SEMA3A: variants seen among roughly 807,000 people sequenced by gnomAD.
The protein encoded by SEMA3A is semaphorin-3A.
In SEMA3A, 29 loss-of-function variants were observed where a neutral mutation model predicts 97.9. The ratio of observed to expected loss-of-function variants is 0.30; its 90% CI spans 0.22 to 0.40. SEMA3A has a LOEUF of 0.40. SEMA3A is among the 10% of genes least tolerant of loss of function. The pLI is 1.00. For synonymous variants in SEMA3A, 321 were observed against 323.7 expected (o/e 0.99, Z 0.09); for missense variants, 763 against 951.3 (o/e 0.80, Z 2.60).
intron 1 of SEMA3A, among the ~76,000 whole-genome samples, chr7:84,179,642 C>G (rs1199463806): frequency 6.6e-6 from 1 of 152,102 alleles, no homozygotes; most frequent in Non-Finnish European, 1.5e-5. Context: ...GTCTTGAGAA[C>G]AGAGGCTAAT....
intron 1 of SEMA3A, among the ~76,000 whole-genome samples, chr7:84,165,326 A>G (rs1797166563): frequency 6.6e-6 from 1 of 152,204 alleles, no homozygotes; most frequent in Non-Finnish European, 1.5e-5. Context: ...TTTGAAAGAA[A>G]TTTGGACAAC....
chr7:84,256,590 A>G (rs1489473616), intron 3 of SEMA3A, among the ~76,000 whole-genome samples: 1 of 152,084 alleles, frequency 6.6e-6, no homozygotes, highest in Non-Finnish European at 1.5e-5. Flanking sequence ...GGAGCTTACA[A>G]CACACTCCAG....
chr7:84,409,281 A>T (rs1462992869), intron 1 of SEMA3A, among the ~76,000 whole-genome samples: 2 of 151,686 alleles, frequency 1.3e-5, no homozygotes, highest in African/African-American at 4.8e-5. Context: ...GGATGCTTGT[A>T]TCAAAATACC....
chr7:84,218,110 C>T (rs1317837589), intron 3 of SEMA3A, among the ~76,000 whole-genome samples: 2 of 151,874 alleles, frequency 1.3e-5, no homozygotes, highest in Non-Finnish European at 2.9e-5. Context: ...GAGAAAAAAT[C>T]TTAAATGTTA....
chr7:84,401,655 G>C (rs1803907569), intron 1 of SEMA3A, among the ~76,000 whole-genome samples: 1 of 152,060 alleles, frequency 6.6e-6, no homozygotes, highest in African/African-American at 2.4e-5. Context: ...CAGCATAAAA[G>C]CAGACACATA....
At chr7:84,021,903 T>C (rs1422481805) in intron 6 of SEMA3A, among the ~76,000 whole-genome samples, 1 of 152,164 alleles carries the variant, frequency 6.6e-6, no homozygotes, top group African/African-American at 2.4e-5. Context: ...AAGAAATGCT[T>C]ATACATGCTT....
chr7:83,989,962 C>T lies in SEMA3A; in HGVS notation c.1453-4485G>A, dbSNP rs202034567. Among the ~76,000 whole-genome samples the T allele has an allele frequency of 8.4e-4, 127 of 152,012 alleles. No homozygotes were observed. The East Asian group carries it at 0.023, about 27-fold the overall frequency. On this transcript the variant is annotated intron_variant, in intron 12 of 16. Coordinates refer to ENST00000265362, the MANE Select transcript of SEMA3A (RefSeq NM_006080.3). ...GTGTAAAAGTATTCCTATTTCTCCACATCCTCTCCAGCACCTGTTGTTTCC... is the reference window on the plus strand; with the variant it reads ...GTGTAAAAGTATTCCTATTTCTCCATATCCTCTCCAGCACCTGTTGTTTCC...
At chr7:84,171,015 T>A (rs1235676103) in intron 1 of SEMA3A, among the ~76,000 whole-genome samples, 1 of 152,096 alleles carries the variant, frequency 6.6e-6, no homozygotes, top group Non-Finnish European at 1.5e-5. Context: ...GCTCATTGAG[T>A]TCTATCGATT....
rs1790198729 is a variant in SEMA3A, at chr7:83,995,942, CTT to C, written c.1452+6011_1452+6012del. Among the ~76,000 whole-genome samples, 4 of 152,132 alleles carry C rather than the reference CTT, an allele frequency of 2.6e-5. No homozygotes were observed. In the South Asian group the frequency reaches 8.3e-4, roughly 31 times the overall value. On this transcript the variant is annotated intron_variant, in intron 12 of 16. Coordinates refer to ENST00000265362, the MANE Select transcript of SEMA3A (RefSeq NM_006080.3). The stretch of plus-strand genomic sequence containing the variant: ...TTTTCATTTGAACAAAAATTAAACT[CTT>C]TCATTTGTCTGCTCAGCTGTTCATG...
chr7:83,976,832 T>C (rs889395614), intron 15 of SEMA3A, among the ~76,000 whole-genome samples: 49 of 152,146 alleles, frequency 3.2e-4, no homozygotes, highest in Non-Finnish European at 4.6e-4. Flanking sequence ...TGCTACTATA[T>C]ACAAAATGAA....
At chr7:84,021,905 T>C (rs1398527168) in intron 6 of SEMA3A, among the ~76,000 whole-genome samples, 2 of 152,172 alleles carry the variant, frequency 1.3e-5, no homozygotes, top group East Asian at 3.9e-4. Flanking sequence ...GAAATGCTTA[T>C]ACATGCTTCT....
intron 1 of SEMA3A, among the ~76,000 whole-genome samples, chr7:84,427,706 TA>T (rs1804866029): frequency 6.6e-6 from 1 of 151,486 alleles, no homozygotes; most frequent in South Asian, 2.1e-4. Flanking sequence ...ATAGTTTTTT[TA>T]TGTATTACCC....
At chr7:84,288,698 A>C (rs977030928) in intron 3 of SEMA3A, among the ~76,000 whole-genome samples, 14 of 152,162 alleles carry the variant, frequency 9.2e-5, no homozygotes, top group Admixed American at 2.0e-4. Flanking sequence ...ACTCCATCAA[A>C]AAAACAAAAC....
intron 2 of SEMA3A, among the ~76,000 whole-genome samples, chr7:84,134,033 C>A (rs1179462694): frequency 6.6e-6 from 1 of 152,012 alleles, no homozygotes; most frequent in African/African-American, 2.4e-5. Flanking sequence ...TGCACTCCAG[C>A]CTGGGCGACA....
In SEMA3A at chr7:84,466,336, C is replaced by A. The variant is rs1275333636; in HGVS notation, c.-246+26124G>T. Among the ~76,000 whole-genome samples, 8 of 152,088 alleles carry A rather than the reference C, an allele frequency of 5.3e-5. No homozygotes were observed. The South Asian group carries it at 1.7e-3, about 32-fold the overall frequency. Reference sequence around the variant, plus strand: ...TACAGGCGCCTGCCACCACACCCGGCTAATTTTTGTATTTTTAGTAGAGAC... The same window carrying A: ...TACAGGCGCCTGCCACCACACCCGGATAATTTTTGTATTTTTAGTAGAGAC... On this transcript the variant is annotated intron_variant, in intron 1 of 3. Coordinates refer to the SEMA3A transcript ENST00000424555.
chr7:84,404,532 A>C (rs1804013237), intron 1 of SEMA3A, among the ~76,000 whole-genome samples: 2 of 152,180 alleles, frequency 1.3e-5, no homozygotes, highest in Non-Finnish European at 2.9e-5. Flanking sequence ...CAAATTCAGG[A>C]AACACAGAGA....
intron 3 of SEMA3A, among the ~76,000 whole-genome samples, chr7:84,202,744 C>T (rs542762158): frequency 4.7e-4 from 71 of 152,212 alleles, no homozygotes; most frequent in Admixed American, 3.3e-3. Context: ...TATGTTTAGG[C>T]GCCAGTCTTT....
chr7:84,114,883 C>T (rs1795380002), intron 3 of SEMA3A, among the ~76,000 whole-genome samples: 1 of 152,010 alleles, frequency 6.6e-6, no homozygotes, highest in African/African-American at 2.4e-5. Context: ...TCCAAAGAGG[C>T]TTATCTAATA....
At chr7:84,070,752 C>A (rs1197876727) in intron 4 of SEMA3A, among the ~76,000 whole-genome samples, 1 of 152,086 alleles carries the variant, frequency 6.6e-6, no homozygotes, top group Non-Finnish European at 1.5e-5. Flanking sequence ...ATCCTTTTCT[C>A]ATCTCTGCCT....
Sources: allele counts gnomAD v4.1 joint callset (sites outside exome capture counted in the v4.1 genomes callset), GRCh38; gene constraint gnomAD v4.1.1; transcripts MANE v1.5; gene names NCBI Gene and HGNC (gene_info 2026-07-23, HGNC 2026-07-21).